SRCAP: variants seen among roughly 807,000 people sequenced by gnomAD.
The protein encoded by SRCAP is chromatin remodeling protein SRCAP.
In SRCAP, 46 loss-of-function variants were observed where a neutral mutation model predicts 263.1. The observed-to-expected ratio is 0.17, with a 90% confidence interval of 0.14 to 0.22. SRCAP has a LOEUF of 0.22. SRCAP is among the 10% of genes least tolerant of loss of function. SRCAP has a pLI of 1.00. For synonymous variants in SRCAP, 1,813 were observed against 1,662.1 expected, an observed-to-expected ratio of 1.09 and a Z score of -2.21; for missense variants, 3,695 against 4,181.9, an observed-to-expected ratio of 0.88 and a Z score of 3.21.
In SRCAP at chr16:30,737,769, C is replaced by T. The variant is rs1394607865; in HGVS notation, c.7729C>T (p.Leu2577Phe). Residue 2577 changes from leucine (L) to phenylalanine (F), a missense_variant, in exon 34 of 34, where the codon CTT (leucine) becomes TTT (phenylalanine). Leu to Phe is a conservative substitution (Grantham distance 22, BLOSUM62 0). This residue lies in a region of SRCAP where 1,207 missense variants were observed against 1,142.9 expected (regional missense o/e 1.06). Coordinates refer to ENST00000262518, the MANE Select transcript of SRCAP (RefSeq NM_006662.3). Reference sequence around the variant, plus strand: ...TGTGGCCAGTTCAGAAACCTCCTCACTTTCTCTTGTGCCCCCTAAAGATCT... The same window carrying T: ...TGTGGCCAGTTCAGAAACCTCCTCATTTTCTCTTGTGCCCCCTAAAGATCT... Reference protein sequence around the residue: ...ASVASSETSSLSLVPPKDLLP... With the variant: ...ASVASSETSSFSLVPPKDLLP... 3 of 1,614,236 alleles carry T rather than the reference C, an allele frequency of 1.9e-6. 1 individual carries two copies. Among genetic ancestry groups the T allele is most frequent in the Middle Eastern group, 3.3e-4 (2 of 6,062 alleles).
At chr16:30,705,807 C>T (rs1596642018) in intron 4 of SRCAP, among the ~76,000 whole-genome samples, 2 of 151,308 alleles carry the variant, frequency 1.3e-5, no homozygotes, top group Admixed American at 6.6e-5. Context: ...CCTGGGTTCA[C>T]GCCATTCTCC....
intron 16 of SRCAP, among the ~76,000 whole-genome samples, chr16:30,714,050 A>C (rs1201796240): frequency 1.3e-5 from 2 of 149,808 alleles, no homozygotes; most frequent in African/African-American, 4.9e-5. Flanking sequence ...GGCACCCGCC[A>C]CAAAGCCTGG....
chr16:30,719,039 G>A lies in SRCAP; in HGVS notation c.2818-1123G>A, dbSNP rs2052982328. 2.0e-5 allele frequency among the ~76,000 whole-genome samples: 3 copies of A among 151,558 alleles called. No individual in the cohort carries two copies. In the South Asian group the frequency reaches 6.3e-4, roughly 32 times the overall value. ...GTGCCTCAGCTTCCTGAGCAGCTGG[G>A]ACTACAGGTGTGCACAACCATGCTG... On this transcript the variant is annotated intron_variant, in intron 18 of 33. Coordinates refer to ENST00000262518, the MANE Select transcript of SRCAP (RefSeq NM_006662.3).
rs780742352 is a variant in SRCAP, at chr16:30,739,346, C to A, written c.9306C>A (p.Gly3102=). Residue 3102 remains glycine, a synonymous_variant, in exon 34 of 34, where the codon GGC becomes GGA. Coordinates refer to ENST00000262518, the MANE Select transcript of SRCAP (RefSeq NM_006662.3). ...TGGACTTAGCAGATAGCGGGCCAGGCGGGTTGGAATTGACACCACCTGTGG... is the reference window on the plus strand; with the variant it reads ...TGGACTTAGCAGATAGCGGGCCAGGAGGGTTGGAATTGACACCACCTGTGG... ...DDLDLADSGP[G]GLELTPPVVS... 1 of 1,614,118 alleles carries A rather than the reference C, an allele frequency of 6.2e-7. No individual in the cohort carries two copies.
At chr16:30,721,544 A>G in intron 21 of SRCAP, 68 bp downstream of exon 21, 2 of 1,549,356 alleles carry the variant, frequency 1.3e-6, no homozygotes, top group South Asian at 1.2e-5. Context: ...TGAGAGCATC[A>G]AATTTTAGGC....
Position 30,716,219 on chromosome 16 carries a change from G to T in SRCAP, c.2630+17G>T, listed in dbSNP as rs780549996. On this transcript the variant is annotated intron_variant, in intron 17 of 33. Coordinates refer to ENST00000262518, the MANE Select transcript of SRCAP (RefSeq NM_006662.3). ...ACAGACCACGTAAGGGAGGAAGGAG[G>T]GTGGGCCCTGGGACTCGAGATTGGA... is the stretch of plus-strand genomic sequence containing the variant. 14 of 1,613,692 alleles carry T rather than the reference G, an allele frequency of 8.7e-6. No homozygotes were observed. Among genetic ancestry groups the T allele is most frequent in the Non-Finnish European group, 1.2e-5 (14 of 1,179,764 alleles).
In SRCAP at chr16:30,714,507, C is replaced by CTTTTTTTTTTTTTTTTTTTTTTT. The variant is rs749242748; in HGVS notation, c.2493+808_2493+809insTTTTTTTTTTTTTTTTTTTTTTT. Reference sequence around the variant, plus strand: ...TAAAGGTGTGAGCCACCGTGCCGGGCTTTTTTTTTTTTGAGACAGAGTCTC... The same window carrying CTTTTTTTTTTTTTTTTTTTTTTT: ...TAAAGGTGTGAGCCACCGTGCCGGGCTTTTTTTTTTTTTTTTTTTTTTTTTTTTTTTTTTTGAGACAGAGTCTC... On this transcript the variant is annotated intron_variant, in intron 16 of 33. Transcript: ENST00000262518. 4.0e-5 allele frequency among the ~76,000 whole-genome samples: 4 copies of CTTTTTTTTTTTTTTTTTTTTTTT among 100,000 alleles called. 2 individuals carry two copies. The highest frequency in any genetic ancestry group is 7.3e-5 in the Non-Finnish European group (4 of 54,720). The allele number at this position is 100,000 out of a possible 152,430, so 65.6% of individuals were successfully genotyped here.
Position 30,737,171 on chromosome 16 carries a change from C to T in SRCAP, c.7131C>T (p.Gly2377=), listed in dbSNP as rs775810288. ...AGAGTTCCTGTGGGACTGGTGGAGG[C>T]ACCCACCGGCGCAGTAAAAAGGCCA... ...GDESSCGTGG[G]THRRSKKAKA... Residue 2377 remains glycine (G), a synonymous_variant, in exon 34 of 34, where the codon GGC becomes GGT. Coordinates refer to ENST00000262518, the MANE Select transcript of SRCAP (RefSeq NM_006662.3). 3 of 1,614,032 alleles carry T rather than the reference C, an allele frequency of 1.9e-6. No homozygotes were observed. In the Admixed American group the frequency reaches 5.0e-5, roughly 27 times the overall value.
At chr16:30,732,432 C>T (rs1386737730) in intron 27 of SRCAP, among the ~76,000 whole-genome samples, 3 of 137,354 alleles carry the variant, frequency 2.2e-5, no homozygotes, top group African/African-American at 8.2e-5. Flanking sequence ...GCCTGGGCAA[C>T]AAGAGCAAAA....
chr16:30,718,779 T>C (rs1220611893), intron 18 of SRCAP, among the ~76,000 whole-genome samples: 1 of 152,172 alleles, frequency 6.6e-6, no homozygotes, highest in Non-Finnish European at 1.5e-5. Context: ...CCCCCAGTTT[T>C]AAATTTTGAT....
Position 30,738,557 on chromosome 16 carries a change from C to T in SRCAP, c.8517C>T (p.Gly2839=). 6.2e-7 allele frequency: 1 copy of T among 1,610,832 alleles called. No homozygotes were observed. The highest frequency in any genetic ancestry group is 8.5e-7 in the Non-Finnish European group (1 of 1,178,402). Reference sequence around the variant, plus strand: ...TTGAGCTGGGGGTGACTGGTGGTGGCAGCCCCGAGAATGGAGACGGAGCAC... The same window carrying T: ...TTGAGCTGGGGGTGACTGGTGGTGGTAGCCCCGAGAATGGAGACGGAGCAC... The part of the protein sequence containing the change: ...RHIELGVTGG[G]SPENGDGALL... The change falls in exon 34 of 34, where the codon GGC becomes GGT. Residue 2839 remains glycine, a synonymous_variant. Transcript: ENST00000262518.
chr16:30,723,192 TCTC>T lies in SRCAP; in HGVS notation c.4123_4125del (p.Leu1375del). On this transcript the variant is annotated inframe_deletion, in exon 24 of 34. Transcript: ENST00000262518. Reference sequence around the variant, plus strand: ...CCACACCCACTCTGGTGAGGCCTCTTCTCAAGCTGGTCCACAGTCCTTCACCTG... The same window carrying T: ...CCACACCCACTCTGGTGAGGCCTCTTAAGCTGGTCCACAGTCCTTCACCTG... 2 of 1,613,826 alleles carry T rather than the reference TCTC, an allele frequency of 1.2e-6. No homozygotes were observed. The highest frequency in any genetic ancestry group is 1.7e-6 in the Non-Finnish European group (2 of 1,179,814).
chr16:30,713,439 GT>G, intron 15 of SRCAP, 62 bp downstream of exon 15: 1 of 1,611,402 alleles, frequency 6.2e-7, no homozygotes, highest in Non-Finnish European at 8.5e-7. Flanking sequence ...GGCTGCCTGG[GT>G]TGAGGAATGT....
Position 30,716,363 on chromosome 16 carries a change from T to A in SRCAP, c.2701T>A (p.Cys901Ser), listed in dbSNP as rs2052949836. The A allele has an allele frequency of 6.2e-7, 1 of 1,614,116 alleles. No individual in the cohort carries two copies. The highest frequency in any genetic ancestry group is 8.5e-7 in the Non-Finnish European group (1 of 1,180,054). ...INILMQLRKV[C>S]NHPNLFDPRP... is the part of the protein sequence containing the mutation. ...CATTTTGATGCAGCTGAGAAAAGTTTGCAATCATCCAAATCTGTTCGACCC... is the reference window on the plus strand; with the variant it reads ...CATTTTGATGCAGCTGAGAAAAGTTAGCAATCATCCAAATCTGTTCGACCC... The change falls in exon 18 of 34, where the codon TGC (cysteine) becomes AGC (serine). Residue 901 changes from cysteine (C) to serine (S), a missense_variant. Cys to Ser is a moderately radical substitution (Grantham distance 112). Around this residue, in one of 12 missense-constraint regions of SRCAP, gnomAD observed 147 missense variants for 212.7 expected, o/e 0.69. Coordinates refer to ENST00000262518, the MANE Select transcript of SRCAP (RefSeq NM_006662.3).
intron 27 of SRCAP, 59 bp downstream of exon 27, chr16:30,729,631 T>C (rs1412499709): frequency 8.8e-6 from 14 of 1,583,466 alleles, no homozygotes; most frequent in African/African-American, 1.3e-5. Flanking sequence ...GTATTAAGAC[T>C]GTTGTATCAG....
rs1300767984 is a variant in SRCAP, at chr16:30,738,318, G to A, written c.8278G>A (p.Glu2760Lys). The change falls in exon 34 of 34, where the codon GAA becomes AAA. Residue 2760 changes from glutamate (E) to lysine (K), a missense_variant. Glu to Lys is a moderately conservative substitution (Grantham distance 56). Coordinates refer to ENST00000262518, the MANE Select transcript of SRCAP (RefSeq NM_006662.3). ...LPGRLVTVVE[E>K]KELVRRRRQQ... is the part of the protein sequence containing the mutation. Reference sequence around the variant, plus strand: ...AGGACGGCTGGTAACTGTGGTAGAGGAAAAGGAACTGGTGCGGCGGCGGCG... The same window carrying A: ...AGGACGGCTGGTAACTGTGGTAGAGAAAAAGGAACTGGTGCGGCGGCGGCG... The A allele has an allele frequency of 6.3e-7, 1 of 1,591,226 alleles. No homozygotes were observed.
In SRCAP at chr16:30,713,213, G is replaced by T; in HGVS notation, c.2136G>T (p.Trp712Cys). The change falls in exon 15 of 34, where the codon TGG (tryptophan) becomes TGT (cysteine). Residue 712 changes from tryptophan (W) to cysteine (C), a missense_variant. Physicochemically the swap from Trp to Cys is radical, Grantham distance 215. Coordinates refer to ENST00000262518, the MANE Select transcript of SRCAP (RefSeq NM_006662.3). ...QKERKLKRQG[W>C]TKPNAFHVCI... ...TTCTGTCTTTGATCCCTCAGGGCTG[G>T]ACCAAGCCCAATGCCTTTCATGTGT... 6.2e-7 allele frequency: 1 copy of T among 1,613,928 alleles called. No individual in the cohort carries two copies. The highest frequency in any genetic ancestry group is 1.1e-5 in the South Asian group (1 of 91,064).
chr16:30,725,183 A>G (rs1221318036), intron 25 of SRCAP, 101 bp downstream of exon 25: 4 of 1,502,148 alleles, frequency 2.7e-6, no homozygotes, highest in African/African-American at 2.8e-5. Context: ...GGTGAATTAC[A>G]AAGCTTAATG....
At chr16:30,735,926 T>C (rs1479184488) in intron 31 of SRCAP, among the ~76,000 whole-genome samples, 1 of 151,962 alleles carries the variant, frequency 6.6e-6, no homozygotes, top group African/African-American at 2.4e-5. Flanking sequence ...TTTTTTTTTT[T>C]TTTGAGAGCT....
Sources: allele counts gnomAD v4.1 joint callset (sites outside exome capture counted in the v4.1 genomes callset), GRCh38; gene constraint gnomAD v4.1.1; regional missense constraint gnomAD v4.1.1; transcripts MANE v1.5; gene names NCBI Gene and HGNC (gene_info 2026-07-23, HGNC 2026-07-21).